CMIP: variants seen among roughly 807,000 people sequenced by gnomAD.
CMIP encodes the protein c-Maf inducing protein.
Under a neutral mutation model 97.3 loss-of-function variants are expected in CMIP, and 13 were observed. The observed-to-expected ratio is 0.13, with a 90% CI of 0.09 to 0.21. CMIP has a LOEUF of 0.21. CMIP is among the 10% of genes least tolerant of loss of function. The pLI is 1.00. For synonymous variants in CMIP, 538 were observed against 436.3 expected (o/e 1.23, Z -2.91); for missense variants, 847 against 1,024.9 (o/e 0.83, Z 2.37).
In CMIP at chr16:81,604,236, A is replaced by G. The variant is rs539788293; in HGVS notation, c.301-3331A>G. On this transcript the variant is annotated intron_variant, in intron 1 of 20. Transcript: ENST00000537098. ...TGGTGAAACCCCATCTCTACTAAAA[A>G]TACTGAAAAATTAGCTGGGCGTGGT... is the stretch of plus-strand genomic sequence containing the variant. Among the ~76,000 whole-genome samples, 390 of 151,476 alleles carry G rather than the reference A, an allele frequency of 2.6e-3. 4 individuals are homozygous for G. Among genetic ancestry groups the G allele is most frequent in the African/African-American group, 8.9e-3 (368 of 41,180 alleles).
At chr16:81,522,741 T>C (rs902790807) in intron 1 of CMIP, among the ~76,000 whole-genome samples, 1 of 151,834 alleles carries the variant, frequency 6.6e-6, no homozygotes, top group Non-Finnish European at 1.5e-5. Flanking sequence ...TTGCTTTGCC[T>C]TTTTTTTAAG....
At chr16:81,544,338 C>G (rs2090503461) in intron 1 of CMIP, among the ~76,000 whole-genome samples, 2 of 152,184 alleles carry the variant, frequency 1.3e-5, no homozygotes, top group Admixed American at 1.3e-4. Context: ...ATTGCAAAGT[C>G]TCTTTGGTGC....
rs551205260 is a variant in CMIP at position 81,547,629 on chromosome 16, G to A, written c.301-59938G>A. Among the ~76,000 whole-genome samples, 10 of 152,184 alleles carry A rather than the reference G, an allele frequency of 6.6e-5. No homozygotes were observed. In the East Asian group the frequency reaches 1.7e-3, roughly 26 times the overall value. On this transcript the variant is annotated intron_variant, in intron 1 of 20. Coordinates refer to ENST00000537098, the MANE Select transcript of CMIP (RefSeq NM_198390.3). ...GGAAGCGGGGGAGGAGGAGGAGGAG[G>A]AGGAGGAAGGAAGGGATCTCCTCAG... is the stretch of plus-strand genomic sequence containing the variant.
chr16:81,708,200 C>T (rs932850031), intron 20 of CMIP, among the ~76,000 whole-genome samples: 9 of 152,212 alleles, frequency 5.9e-5, no homozygotes, highest in East Asian at 3.9e-4. Context: ...CAAGAGAGGA[C>T]GTATGGGACA....
intron 3 of CMIP, among the ~76,000 whole-genome samples, chr16:81,648,066 G>A (rs575455906): frequency 3.4e-5 from 5 of 147,772 alleles, no homozygotes; most frequent in Admixed American, 2.7e-4. Context: ...ACCGCCTTCT[G>A]GTTACCTGGC....
rs60887695 is a variant in CMIP at position 81,595,034 on chromosome 16, GTCTC to G, written c.301-12508_301-12505del. Among the ~76,000 whole-genome samples, 238 of 145,702 alleles carry G rather than the reference GTCTC, an allele frequency of 1.6e-3. 1 individual carries two copies. Among genetic ancestry groups the G allele is most frequent in the Middle Eastern group, 3.4e-3 (1 of 292 alleles). ...ACTACAATAAAGGTAATATCATGTG[GTCTC>G]TCTCTCTCTCTCTCTCTCTCTCTCA... On this transcript the variant is annotated intron_variant, in intron 1 of 20. Coordinates refer to ENST00000537098, the MANE Select transcript of CMIP (RefSeq NM_198390.3).
chr16:81,458,301 G>T (rs1189145354), intron 1 of CMIP, among the ~76,000 whole-genome samples: 1 of 152,172 alleles, frequency 6.6e-6, no homozygotes, highest in Non-Finnish European at 1.5e-5. Flanking sequence ...AAAAAGCAAG[G>T]TTCTGGAGTT....
At chr16:81,699,918 G>A in intron 15 of CMIP, 117 bp downstream of exon 15, 1 of 675,198 alleles carries the variant, frequency 1.5e-6, no homozygotes, top group Non-Finnish European at 2.6e-6. Context: ...AGTGGGTGAG[G>A]CGTGCAGTCC....
intron 1 of CMIP, among the ~76,000 whole-genome samples, chr16:81,456,576 A>G (rs536130091): frequency 2.5e-3 from 385 of 152,280 alleles, no homozygotes; most frequent in African/African-American, 7.9e-3. Flanking sequence ...TCTAATCCTC[A>G]CGATGCCCCT....
intron 10 of CMIP, 170 bp from the exon 11 acceptor site, chr16:81,691,605 G>A: frequency 1.5e-6 from 1 of 648,718 alleles, no homozygotes; most frequent in Non-Finnish European, 2.8e-6. Flanking sequence ...TTGAGGCCAC[G>A]CTGAGAACAT....
Position 81,693,170 on chromosome 16 carries a change from T to C in CMIP, c.1467T>C (p.His489=). 1.9e-6 allele frequency: 3 copies of C among 1,607,630 alleles called. No homozygotes were observed. Among genetic ancestry groups the C allele is most frequent in the South Asian group, 2.2e-5 (2 of 90,872 alleles). The stretch of plus-strand genomic sequence containing the variant: ...GTTTTTGTTGCAGAGCTCTCGCACA[T>C]GAGAAGTTCACCAAGTGAGTGTCTG... ...PIPFPKEALA[H]EKFTKELKYV... Residue 489 remains histidine (H), a synonymous_variant, in exon 12 of 21, where the codon CAT becomes CAC. Transcript: ENST00000537098.
intron 1 of CMIP, among the ~76,000 whole-genome samples, chr16:81,563,787 C>G (rs1489079724): frequency 6.6e-6 from 1 of 152,196 alleles, no homozygotes; most frequent in Non-Finnish European, 1.5e-5. Context: ...AGATCAATGT[C>G]TAGAAAAGCT....
chr16:81,681,134 T>A (rs1388713938), intron 10 of CMIP, among the ~76,000 whole-genome samples: 1 of 152,148 alleles, frequency 6.6e-6, no homozygotes, highest in African/African-American at 2.4e-5. Flanking sequence ...GAGGAGCAGG[T>A]CACGCCTATC....
intron 1 of CMIP, among the ~76,000 whole-genome samples, chr16:81,543,425 C>T (rs1199547379): frequency 6.6e-6 from 1 of 152,172 alleles, no homozygotes; most frequent in Non-Finnish European, 1.5e-5. Context: ...GCTAGTGTCC[C>T]CACATTGAAG....
intron 1 of CMIP, among the ~76,000 whole-genome samples, chr16:81,493,812 A>T (rs1287159190): frequency 6.6e-6 from 1 of 152,208 alleles, no homozygotes; most frequent in Non-Finnish European, 1.5e-5. Flanking sequence ...CTGCTGGCTC[A>T]CACAGCAGCC....
At chr16:81,591,536 G>A (rs1395822908) in intron 1 of CMIP, among the ~76,000 whole-genome samples, 4 of 152,174 alleles carry the variant, frequency 2.6e-5, no homozygotes, top group Non-Finnish European at 5.9e-5. Flanking sequence ...CATGGATGAA[G>A]CTCTCAGACA....
At chr16:81,696,422 G>GTTT in intron 13 of CMIP, 138 bp from the exon 14 acceptor site, 1 of 806,466 alleles carries the variant, frequency 1.2e-6, no homozygotes, top group Admixed American at 2.1e-5. Flanking sequence ...GCTGGGGGTT[G>GTTT]CTGGAGGAAA....
chr16:81,598,877 G>C (rs2091608255), intron 1 of CMIP, among the ~76,000 whole-genome samples: 2 of 150,472 alleles, frequency 1.3e-5, no homozygotes, highest in South Asian at 4.2e-4. Flanking sequence ...GCTGAGGCAG[G>C]AGAATCGCTT....
At chr16:81,494,606 G>C (rs887523669) in intron 1 of CMIP, among the ~76,000 whole-genome samples, 1 of 152,192 alleles carries the variant, frequency 6.6e-6, no homozygotes, top group Non-Finnish European at 1.5e-5. Context: ...GGAGGCACCT[G>C]TGGGCATGGG....
Sources: gnomAD v4.1 joint callset for allele counts (sites outside exome capture counted in the v4.1 genomes callset) on GRCh38, gnomAD v4.1.1 for gene constraint, MANE v1.5 for transcripts, NCBI Gene and HGNC (gene_info 2026-07-23, HGNC 2026-07-21) for gene names.